NRG3: variants seen among roughly 807,000 people sequenced by gnomAD.
NRG3 encodes neuregulin 3, also known as pro-neuregulin-3, membrane-bound isoform.
A neutral mutation model predicts 66.9 loss-of-function variants in NRG3; 31 were observed. The ratio of observed to expected loss-of-function variants is 0.46; its 90% CI spans 0.35 to 0.63. The LOEUF is 0.63. Ranked by LOEUF, NRG3 falls within the 20% of genes least tolerant of loss-of-function variation. NRG3 has a pLI of 0.00. For missense variants in NRG3, 910 were observed against 878.9 expected (o/e 1.04, Z -0.45); for synonymous variants, 393 against 359.4 (o/e 1.09, Z -1.06).
At chr10:82,139,599 C>T (rs1300907053) in intron 1 of NRG3, among the ~76,000 whole-genome samples, 1 of 152,092 alleles carries the variant, frequency 6.6e-6, no homozygotes, top group African/African-American at 2.4e-5. Flanking sequence ...CAAGCTTTCT[C>T]AATATTGTGA....
chr10:82,294,284 G>A (rs2079921092), intron 1 of NRG3, among the ~76,000 whole-genome samples: 1 of 152,150 alleles, frequency 6.6e-6, no homozygotes, highest in Non-Finnish European at 1.5e-5. Context: ...ATTAACCTTG[G>A]ATTGATCCGA....
At chr10:82,973,016 G>T (rs935583302) in intron 6 of NRG3, among the ~76,000 whole-genome samples, 2 of 152,128 alleles carry the variant, frequency 1.3e-5, no homozygotes, top group African/African-American at 4.8e-5. Flanking sequence ...TATTTCTAAA[G>T]AAAGTCTTCA....
At chr10:82,204,992 T>G (rs1330709065) in intron 1 of NRG3, among the ~76,000 whole-genome samples, 1 of 152,210 alleles carries the variant, frequency 6.6e-6, no homozygotes, top group South Asian at 2.1e-4. Flanking sequence ...GGTTTTCTCA[T>G]AGACTCAGAC....
intron 3 of NRG3, among the ~76,000 whole-genome samples, chr10:82,754,530 G>A (rs1400398405): frequency 7.5e-5 from 11 of 147,230 alleles, no homozygotes; most frequent in Non-Finnish European, 1.3e-4. Flanking sequence ...CAGAGAAAGG[G>A]GGGAAAAGAA....
At chr10:82,809,157 A>G (rs1591590828) in intron 3 of NRG3, among the ~76,000 whole-genome samples, 1 of 152,102 alleles carries the variant, frequency 6.6e-6, no homozygotes, top group Admixed American at 6.5e-5. Flanking sequence ...GCCCCATCCC[A>G]TATTATCCAA....
intron 4 of NRG3, among the ~76,000 whole-genome samples, chr10:82,908,457 A>G (rs960020925): frequency 1.3e-5 from 2 of 152,184 alleles, no homozygotes; most frequent in Admixed American, 6.5e-5. Context: ...CTGAGCATGA[A>G]AAGCTTTAAT....
chr10:82,873,669 G>T (rs1218400601), intron 4 of NRG3, among the ~76,000 whole-genome samples: 1 of 152,152 alleles, frequency 6.6e-6, no homozygotes, highest in Non-Finnish European at 1.5e-5. Context: ...TGATGCATTT[G>T]ATGTTCCAGG....
intron 1 of NRG3, chr10:82,232,773 C>T (rs2076548899): frequency 2.8e-6 from 2 of 717,234 alleles, no homozygotes; most frequent in East Asian, 2.7e-5. Flanking sequence ...CCATACATGG[C>T]AACATGGGGA....
intron 1 of NRG3, among the ~76,000 whole-genome samples, chr10:82,248,195 T>C (rs1332149100): frequency 1.3e-5 from 2 of 152,274 alleles, no homozygotes; most frequent in East Asian, 3.9e-4. Context: ...CTTTCAAAAT[T>C]CTAATCTGCT....
chr10:82,295,581 G>A (rs1043823924), intron 1 of NRG3, among the ~76,000 whole-genome samples: 3 of 152,096 alleles, frequency 2.0e-5, no homozygotes, highest in African/African-American at 7.2e-5. Flanking sequence ...CCTAGTTCCC[G>A]AAATGGACAC....
intron 2 of NRG3, among the ~76,000 whole-genome samples, chr10:82,618,357 T>C (rs1393247436): frequency 6.6e-6 from 1 of 152,026 alleles, no homozygotes; most frequent in African/African-American, 2.4e-5. Context: ...GTTGGTCCAA[T>C]AGTCATTAGA....
chr10:82,844,333 A>G (rs1479734721), intron 3 of NRG3, among the ~76,000 whole-genome samples: 1 of 152,198 alleles, frequency 6.6e-6, no homozygotes, highest in African/African-American at 2.4e-5. Flanking sequence ...TAATCCAAAT[A>G]TACAGAAGAT....
intron 4 of NRG3, among the ~76,000 whole-genome samples, chr10:82,927,251 C>T (rs1305408345): frequency 6.6e-6 from 1 of 152,158 alleles, no homozygotes; most frequent in East Asian, 1.9e-4. Context: ...AAGGAACTAA[C>T]ATTATTCTTG....
At chr10:82,862,038 T>C (rs2064154207) in intron 3 of NRG3, among the ~76,000 whole-genome samples, 1 of 152,186 alleles carries the variant, frequency 6.6e-6, no homozygotes, top group Non-Finnish European at 1.5e-5. Context: ...AAACATGGTC[T>C]TGAGGCAGGA....
chr10:82,051,010 G>A (rs1218801884), intron 1 of NRG3, among the ~76,000 whole-genome samples: 1 of 152,042 alleles, frequency 6.6e-6, no homozygotes, highest in Non-Finnish European at 1.5e-5. Flanking sequence ...GAGGTTGTAG[G>A]CTGTGATCAA....
intron 2 of NRG3, among the ~76,000 whole-genome samples, chr10:82,676,684 A>T (rs2053710148): frequency 6.6e-6 from 1 of 152,044 alleles, no homozygotes; most frequent in Non-Finnish European, 1.5e-5. Flanking sequence ...GAGTTTTGCC[A>T]TGTGACTAGG....
At chr10:82,587,637 T>A (rs778519747) in intron 2 of NRG3, among the ~76,000 whole-genome samples, 4 of 152,176 alleles carry the variant, frequency 2.6e-5, no homozygotes, top group Non-Finnish European at 5.9e-5. Flanking sequence ...TCTGGATGAA[T>A]GGAACAACTA....
chr10:81,899,614 C>T (rs1843841170), intron 1 of NRG3, among the ~76,000 whole-genome samples: 1 of 152,140 alleles, frequency 6.6e-6, no homozygotes, highest in South Asian at 2.1e-4. Context: ...TGTGTGTGTT[C>T]TGACCTGTAC....
chr10:82,350,271 A>G (rs1045511282), intron 1 of NRG3, among the ~76,000 whole-genome samples: 1 of 152,332 alleles, frequency 6.6e-6, no homozygotes, highest in Non-Finnish European at 1.5e-5. Flanking sequence ...GTGTATGCCT[A>G]TGATGTTGGT....
Sources: gnomAD v4.1 joint callset for allele counts (sites outside exome capture counted in the v4.1 genomes callset) on GRCh38, gnomAD v4.1.1 for gene constraint, MANE v1.5 for transcripts, NCBI Gene and HGNC (gene_info 2026-07-23, HGNC 2026-07-21) for gene names.